The following SSBP2 variants were observed in gnomAD, a reference collection of about 807,000 sequenced individuals.
SSBP2 encodes the protein single-stranded DNA-binding protein 2.
SSBP2 carries 17 observed loss-of-function variants against 61.8 expected under a neutral mutation model. That is an observed-to-expected ratio of 0.28 (90% CI 0.19 to 0.41). SSBP2 has a LOEUF of 0.41. Among genes scored for constraint, SSBP2 ranks in the 10% least tolerant of loss-of-function variants. The pLI, the probability that SSBP2 is intolerant of heterozygous loss-of-function variation, is 1.00. For synonymous variants in SSBP2, 139 were observed against 141.3 expected (o/e 0.98, Z 0.12); for missense variants, 310 against 458.7 (o/e 0.68, Z 2.96).
intron 4 of SSBP2, among the ~76,000 whole-genome samples, chr5:81,571,564 G>C (rs903930966): frequency 6.6e-6 from 1 of 152,006 alleles, no homozygotes; most frequent in Non-Finnish European, 1.5e-5. Flanking sequence ...TGTTTAGGCA[G>C]GTCTCCAGAT....
intron 4 of SSBP2, among the ~76,000 whole-genome samples, chr5:81,522,337 T>TAA (rs1769554885): frequency 6.6e-6 from 1 of 152,030 alleles, no homozygotes; most frequent in African/African-American, 2.4e-5. Context: ...AGGTAACGTA[T>TAA]AAAAGACTGT....
intron 1 of SSBP2, among the ~76,000 whole-genome samples, chr5:81,736,191 C>CACACA (rs1257403812): frequency 3.5e-4 from 21 of 60,300 alleles, no homozygotes; most frequent in African/African-American, 2.3e-3. Flanking sequence ...CACACACACT[C>CACACA]TACGGCACTA....
chr5:81,485,962 T>C (rs1242774187), intron 6 of SSBP2, among the ~76,000 whole-genome samples: 3 of 152,202 alleles, frequency 2.0e-5, no homozygotes, highest in Non-Finnish European at 2.9e-5. Context: ...TAAAACAATA[T>C]TATTTATATT....
intron 10 of SSBP2, among the ~76,000 whole-genome samples, chr5:81,460,323 A>G (rs1764450029): frequency 6.6e-6 from 1 of 152,214 alleles, no homozygotes. Flanking sequence ...CACACAGTAC[A>G]CAGATGTACA....
intron 1 of SSBP2, among the ~76,000 whole-genome samples, chr5:81,669,209 CAG>C (rs1751393608): frequency 6.6e-6 from 1 of 152,154 alleles, no homozygotes; most frequent in Non-Finnish European, 1.5e-5. Context: ...TGTAGAGTAA[CAG>C]AGATTTTCCT....
chr5:81,424,980 T>C lies in SSBP2; in HGVS notation c.1056+3605A>G, dbSNP rs1761861608. On this transcript the variant is annotated intron_variant, in intron 16 of 16. Transcript: ENST00000320672. ...AAACTATTCTGAGTCTGGCTCTCCCTAACCAGATGATAAAACAGCTCTTAC... is the reference window on the plus strand; with the variant it reads ...AAACTATTCTGAGTCTGGCTCTCCCCAACCAGATGATAAAACAGCTCTTAC... Among the ~76,000 whole-genome samples, 3 of 152,254 alleles carry C rather than the reference T, an allele frequency of 2.0e-5. No individual in the cohort carries two copies. In the South Asian group the frequency reaches 6.2e-4, roughly 31 times the overall value.
chr5:81,430,655 C>G (rs143630126), intron 15 of SSBP2, among the ~76,000 whole-genome samples: 330 of 152,246 alleles, frequency 2.2e-3, no homozygotes, highest in African/African-American at 7.7e-3. Flanking sequence ...CAAAATACTT[C>G]CAGTGTTATT....
chr5:81,600,636 T>C (rs1744271885), intron 4 of SSBP2, among the ~76,000 whole-genome samples: 1 of 150,976 alleles, frequency 6.6e-6, no homozygotes, highest in Admixed American at 6.6e-5. Context: ...ATTCTGGCGT[T>C]GTGATAAATA....
At chr5:81,554,466 T>C (rs1168352031) in intron 4 of SSBP2, among the ~76,000 whole-genome samples, 5 of 150,888 alleles carry the variant, frequency 3.3e-5, no homozygotes, top group Admixed American at 3.3e-4. Context: ...AATAATTATA[T>C]ATTTAATTAA....
intron 4 of SSBP2, among the ~76,000 whole-genome samples, chr5:81,611,083 T>C (rs544033797): frequency 6.6e-6 from 1 of 152,350 alleles, no homozygotes; most frequent in African/African-American, 2.4e-5. Context: ...CTATCCATTA[T>C]TTCTGGCTAA....
intron 4 of SSBP2, among the ~76,000 whole-genome samples, chr5:81,594,045 G>A (rs576098536): frequency 6.6e-6 from 1 of 151,470 alleles, no homozygotes; most frequent in Non-Finnish European, 1.5e-5. Flanking sequence ...ACACAGACTG[G>A]CAAATTGGAT....
At chr5:81,707,723 A>G (rs1754492884) in intron 1 of SSBP2, among the ~76,000 whole-genome samples, 1 of 152,182 alleles carries the variant, frequency 6.6e-6, no homozygotes, top group African/African-American at 2.4e-5. Context: ...ATAGAAACGA[A>G]CTAGAAATTC....
At chr5:81,618,333 A>C (rs1191965886) in intron 3 of SSBP2, among the ~76,000 whole-genome samples, 1 of 103,536 alleles carries the variant, frequency 9.7e-6, no homozygotes, top group Non-Finnish European at 2.1e-5. Context: ...CTTTAAACCA[A>C]CAAAGATGAA....
At chr5:81,540,950 CAAA>C (rs1417217426) in intron 4 of SSBP2, among the ~76,000 whole-genome samples, 1 of 151,504 alleles carries the variant, frequency 6.6e-6, no homozygotes, top group Non-Finnish European at 1.5e-5. Context: ...AAAAGGTATC[CAAA>C]TAAGAAAAGA....
chr5:81,625,457 G>A (rs1033515963), intron 3 of SSBP2, among the ~76,000 whole-genome samples: 4 of 151,908 alleles, frequency 2.6e-5, no homozygotes, highest in Non-Finnish European at 4.4e-5. Context: ...AATGTAATGG[G>A]TTCATCATCA....
At chr5:81,735,664 T>G (rs982806965) in intron 1 of SSBP2, among the ~76,000 whole-genome samples, 2 of 152,212 alleles carry the variant, frequency 1.3e-5, no homozygotes, top group African/African-American at 4.8e-5. Flanking sequence ...TCCTCGGATG[T>G]AGAACCCACA....
At chr5:81,582,227 A>G (rs1160663088) in intron 4 of SSBP2, among the ~76,000 whole-genome samples, 1 of 152,196 alleles carries the variant, frequency 6.6e-6, no homozygotes, top group Non-Finnish European at 1.5e-5. Flanking sequence ...AAGAAATACT[A>G]AAAGTAAAAT....
At chr5:81,551,351 A>G (rs1405865943) in intron 4 of SSBP2, among the ~76,000 whole-genome samples, 1 of 152,156 alleles carries the variant, frequency 6.6e-6, no homozygotes, top group African/African-American at 2.4e-5. Context: ...GATATTCAAC[A>G]TAAGCATAAT....
At chr5:81,459,890 G>C (rs1212330648) in intron 10 of SSBP2, among the ~76,000 whole-genome samples, 1 of 152,144 alleles carries the variant, frequency 6.6e-6, no homozygotes, top group Admixed American at 6.5e-5. Flanking sequence ...CACTATTTTA[G>C]GAGAAAGACT....
Sources: allele counts gnomAD v4.1 joint callset (sites outside exome capture counted in the v4.1 genomes callset), GRCh38; gene constraint gnomAD v4.1.1; transcripts MANE v1.5; gene names NCBI Gene and HGNC (gene_info 2026-07-23, HGNC 2026-07-21).